The following RGSL1 variants were observed in gnomAD, a reference collection of about 807,000 sequenced individuals.
RGSL1 encodes regulator of G protein signaling like 1.
RGSL1 carries 97 observed loss-of-function variants against 124.7 expected under a neutral mutation model. The observed-to-expected ratio is 0.78, with a 90% CI of 0.66 to 0.92. The LOEUF is 0.92. Among genes scored for constraint, RGSL1 ranks in the 40% least tolerant of loss-of-function variants. The probability of loss-of-function intolerance (pLI) is 0.00; values close to 1 mark genes in which losing one functional copy is unlikely to be tolerated. For synonymous variants in RGSL1, 424 were observed against 438.1 expected, an observed-to-expected ratio of 0.97 and a Z score of 0.40; for missense variants, 1,233 against 1,288.4, an observed-to-expected ratio of 0.96 and a Z score of 0.66.
At chr1:182,491,212 G>A (rs1485094626) in intron 8 of RGSL1, among the ~76,000 whole-genome samples, 3 of 151,868 alleles carry the variant, frequency 2.0e-5, no homozygotes, top group Non-Finnish European at 2.9e-5. Context: ...TTAAAAAACT[G>A]TAATTATTAT....
At chr1:182,499,587 C>A (rs981455091) in intron 9 of RGSL1, among the ~76,000 whole-genome samples, 5 of 152,162 alleles carry the variant, frequency 3.3e-5, no homozygotes, top group African/African-American at 1.2e-4. Context: ...TGAGATGAAT[C>A]TCTTGAAGAT....
At chr1:182,553,817 A>G (rs10911096) in intron 19 of RGSL1, among the ~76,000 whole-genome samples, 22,590 of 152,070 alleles carry the variant, frequency 0.15, 2,235 homozygotes, top group Admixed American at 0.25. Context: ...AAGCTTCTCT[A>G]TATCTCTGCT....
chr1:182,493,201 G>A (rs1304363813), intron 9 of RGSL1, 72 bp downstream of exon 9: 6 of 1,088,774 alleles, frequency 5.5e-6, no homozygotes, highest in African/African-American at 1.6e-5. Context: ...CTGTAATCTT[G>A]TGTTCTTTAA....
At chr1:182,557,595 G>A (rs528920166) in intron 21 of RGSL1, among the ~76,000 whole-genome samples, 1 of 152,184 alleles carries the variant, frequency 6.6e-6, no homozygotes, top group South Asian at 2.1e-4. Context: ...GGAAAAGAAA[G>A]GTACTTTTCC....
Position 182,473,804 on chromosome 1 carries a change from T to C in RGSL1, c.693T>C (p.Pro231=). The C allele has an allele frequency of 6.4e-7, 1 of 1,551,698 alleles. No individual in the cohort carries two copies. The highest frequency in any genetic ancestry group is 8.7e-7 in the Non-Finnish European group (1 of 1,146,984). ...SVCYTHIGGL[P]LNMSIKKCHH... is the part of the protein sequence containing the mutation. ...GCTACACCCACATAGGAGGGCTCCC[T>C]CTGAACATGAGCATCAAGAAGTGCC... is the stretch of plus-strand genomic sequence containing the variant. Residue 231 remains proline, a synonymous_variant, in exon 6 of 22, where the codon CCT becomes CCC. Transcript: ENST00000294854.
chr1:182,548,980 C>A, intron 17 of RGSL1, 156 bp downstream of exon 17: 1 of 866,206 alleles, frequency 1.2e-6, no homozygotes, highest in Non-Finnish European at 1.7e-6. Context: ...CTCACTCCAT[C>A]CCTCACACAG....
chr1:182,515,665 T>C (rs1202486746), intron 9 of RGSL1, among the ~76,000 whole-genome samples: 11 of 151,966 alleles, frequency 7.2e-5, no homozygotes, highest in East Asian at 3.9e-4. Flanking sequence ...CCTTCAGCCA[T>C]TGGGGGAATG....
At chr1:182,481,218 A>C (rs201708504) in intron 6 of RGSL1, among the ~76,000 whole-genome samples, 25 of 151,766 alleles carry the variant, frequency 1.6e-4, no homozygotes, top group Middle Eastern at 3.4e-3. Flanking sequence ...CTTAAAAAAA[A>C]GAGAGAGAAG....
At chr1:182,539,958 T>G (rs1336319520) in intron 14 of RGSL1, among the ~76,000 whole-genome samples, 1 of 152,214 alleles carries the variant, frequency 6.6e-6, no homozygotes, top group Admixed American at 6.5e-5. Context: ...TCATTTTCAG[T>G]CTCTGCAGAA....
intron 9 of RGSL1, among the ~76,000 whole-genome samples, chr1:182,499,771 C>T (rs545360429): frequency 2.7e-4 from 41 of 152,280 alleles, no homozygotes; most frequent in South Asian, 2.1e-4. Context: ...TGTCAATGGC[C>T]TATGTACTTA....
rs1383402999 is a variant in RGSL1, at chr1:182,533,449, T to G, written c.2494+658T>G. 4.0e-5 allele frequency among the ~76,000 whole-genome samples: 6 copies of G among 150,630 alleles called. 1 individual carries two copies. The highest frequency in any genetic ancestry group is 3.9e-4 in the Admixed American group (6 of 15,236). ...TCATTCATTCATTTAACACACGTTTTGAGAATCTACTATGAGGCAAGCAGT... is the reference window on the plus strand; with the variant it reads ...TCATTCATTCATTTAACACACGTTTGGAGAATCTACTATGAGGCAAGCAGT... On this transcript the variant is annotated intron_variant, in intron 14 of 21. Transcript: ENST00000294854.
intron 15 of RGSL1, among the ~76,000 whole-genome samples, chr1:182,542,940 T>C (rs1273161711): frequency 6.6e-6 from 1 of 152,120 alleles, no homozygotes; most frequent in African/African-American, 2.4e-5. Context: ...TGAGTTCTAA[T>C]AGGCTGTTGG....
intron 2 of RGSL1, among the ~76,000 whole-genome samples, chr1:182,454,288 G>C (rs762214635): frequency 3.9e-5 from 6 of 152,050 alleles, no homozygotes; most frequent in Non-Finnish European, 7.4e-5. Flanking sequence ...GCCTTTACCT[G>C]TCCAAAGTTA....
At chr1:182,520,442 T>A (rs997389190) in intron 9 of RGSL1, among the ~76,000 whole-genome samples, 1 of 152,184 alleles carries the variant, frequency 6.6e-6, no homozygotes. Context: ...CAATATCCAA[T>A]GTTTTGCCCA....
chr1:182,507,272 A>AG (rs1656888432), intron 9 of RGSL1: 1 of 152,570 alleles, frequency 6.6e-6, no homozygotes, highest in Non-Finnish European at 1.5e-5. Context: ...TACAGGTATG[A>AG]GCCACTGTGC....
At chr1:182,507,538 T>G (rs1335615604) in intron 9 of RGSL1, among the ~76,000 whole-genome samples, 1 of 152,202 alleles carries the variant, frequency 6.6e-6, no homozygotes, top group Non-Finnish European at 1.5e-5. Context: ...GTTTCATTCA[T>G]GTTGCTGCAA....
At chr1:182,476,674 G>A (rs1413190655) in intron 6 of RGSL1, among the ~76,000 whole-genome samples, 1 of 152,192 alleles carries the variant, frequency 6.6e-6, no homozygotes, top group Non-Finnish European at 1.5e-5. Flanking sequence ...CTTGAAAACA[G>A]ATGGCTGTCT....
At chr1:182,489,737 T>C (rs1164383007) in intron 8 of RGSL1, among the ~76,000 whole-genome samples, 1 of 152,234 alleles carries the variant, frequency 6.6e-6, no homozygotes, top group Admixed American at 6.5e-5. Flanking sequence ...TCCTATTCAC[T>C]TGTATGCTTG....
chr1:182,489,609 A>G (rs1381684994), intron 8 of RGSL1, among the ~76,000 whole-genome samples: 1 of 152,236 alleles, frequency 6.6e-6, no homozygotes, highest in East Asian at 1.9e-4. Context: ...TTCTGTGAAC[A>G]TATTTTACAG....
Sources: gnomAD v4.1 joint callset for allele counts (sites outside exome capture counted in the v4.1 genomes callset) on GRCh38, gnomAD v4.1.1 for gene constraint, MANE v1.5 for transcripts, NCBI Gene and HGNC (gene_info 2026-07-23, HGNC 2026-07-21) for gene names.